The following IMMT variants were observed in gnomAD, a reference collection of about 807,000 sequenced individuals.
The protein encoded by IMMT is inner membrane mitochondrial protein.
A neutral mutation model predicts 92.7 loss-of-function variants in IMMT; 40 were observed. The observed-to-expected ratio is 0.43, with a 90% CI of 0.34 to 0.56. IMMT has a LOEUF of 0.56. Ranked by LOEUF, IMMT falls within the 20% of genes least tolerant of loss-of-function variation. The probability of loss-of-function intolerance (pLI) is 0.03; values close to 1 mark genes in which losing one functional copy is unlikely to be tolerated. For synonymous variants in IMMT, 322 were observed against 336.1 expected (o/e 0.96, Z 0.46); for missense variants, 831 against 912.1 (o/e 0.91, Z 1.14).
Position 86,144,636 on chromosome 2 carries a change from C to G in IMMT, c.1909G>C (p.Ala637Pro), listed in dbSNP as rs1674855086. 18 of 1,613,850 alleles carry G rather than the reference C, an allele frequency of 1.1e-5. No homozygotes were observed. The highest frequency in any genetic ancestry group is 1.4e-5 in the Non-Finnish European group (17 of 1,179,894). Residue 637 changes from alanine to proline, a missense_variant, in exon 15 of 15, where the codon GCT becomes CCT. Transcript: ENST00000410111. Reference sequence around the variant, plus strand: ...ACCCTTCGGGCCAGTTTTTGAACAGCATAGAAACGGGCTCTAAGGGTCTCT... The same window carrying G: ...ACCCTTCGGGCCAGTTTTTGAACAGGATAGAAACGGGCTCTAAGGGTCTCT... The part of the protein sequence containing the change: ...SEETLRARFY[A>P]VQKLARRVAM...
Position 86,144,648 on chromosome 2 carries a change from C to A in IMMT, c.1897G>T (p.Ala633Ser), listed in dbSNP as rs766667070. ...RGVYSEETLR[A>S]RFYAVQKLAR... is the part of the protein sequence containing the mutation. Reference sequence around the variant, plus strand: ...AGTTTTTGAACAGCATAGAAACGGGCTCTAAGGGTCTCTTCACTGTACACC... The same window carrying A: ...AGTTTTTGAACAGCATAGAAACGGGATCTAAGGGTCTCTTCACTGTACACC... The change falls in exon 15 of 15, where the codon GCC becomes TCC. Residue 633 changes from alanine (A) to serine (S), a missense_variant. Transcript: ENST00000410111. The A allele has an allele frequency of 6.8e-6, 11 of 1,613,822 alleles. No homozygotes were observed. The East Asian group carries it at 1.1e-4, about 16-fold the overall frequency.
intron 10 of IMMT, among the ~76,000 whole-genome samples, chr2:86,157,244 T>C (rs1028179655): frequency 6.6e-6 from 1 of 152,238 alleles, no homozygotes; most frequent in African/African-American, 2.4e-5. Context: ...CTAACTGATA[T>C]CTGCCTCCTG....
chr2:86,150,684 G>A (rs1388249090), intron 12 of IMMT, among the ~76,000 whole-genome samples: 4 of 152,128 alleles, frequency 2.6e-5, no homozygotes, highest in Non-Finnish European at 5.9e-5. Flanking sequence ...ACAAAGATTC[G>A]TTCAGCACTG....
chr2:86,170,050 T>A (rs1382892983), intron 6 of IMMT, among the ~76,000 whole-genome samples: 1 of 152,224 alleles, frequency 6.6e-6, no homozygotes, highest in Non-Finnish European at 1.5e-5. Context: ...TAAGCCATTC[T>A]GACTCCAACA....
At chr2:86,151,099 A>G (rs1360857819) in intron 12 of IMMT, among the ~76,000 whole-genome samples, 198 bp downstream of exon 12, 1 of 151,878 alleles carries the variant, frequency 6.6e-6, no homozygotes, top group Non-Finnish European at 1.5e-5. Flanking sequence ...GTATTTTTAG[A>G]AGAGACGGGG....
At chr2:86,161,284 C>T (rs1430397013) in intron 8 of IMMT, among the ~76,000 whole-genome samples, 3 of 151,934 alleles carry the variant, frequency 2.0e-5, no homozygotes, top group African/African-American at 7.3e-5. Flanking sequence ...ACCTCAGCCT[C>T]CCGAGTCGCT....
chr2:86,144,193 C>A lies in IMMT; in HGVS notation c.*75G>T. On this transcript the variant is annotated 3_prime_UTR_variant, in exon 15 of 15. Transcript: ENST00000410111. Reference sequence around the variant, plus strand: ...CATTTCTAGACAAGTCCGGGACTCTCGCTGCGAACCCTTCATCTATCACTG... The same window carrying A: ...CATTTCTAGACAAGTCCGGGACTCTAGCTGCGAACCCTTCATCTATCACTG... 1 of 1,526,892 alleles carries A rather than the reference C, an allele frequency of 6.5e-7. No individual in the cohort carries two copies. The highest frequency in any genetic ancestry group is 1.2e-5 in the South Asian group (1 of 81,244). 94.6% of individuals were successfully genotyped at this position (1,526,892 alleles called of 1,614,324 possible). A position where few individuals can be genotyped will look rare whatever the true frequency, so the allele number is the denominator to read the frequency against.
At chr2:86,179,275 A>G (rs781756252) in intron 3 of IMMT, among the ~76,000 whole-genome samples, 158 bp downstream of exon 3, 1 of 152,224 alleles carries the variant, frequency 6.6e-6, no homozygotes, top group Admixed American at 6.5e-5. Flanking sequence ...GTAACATTTT[A>G]TATCTGAGAC....
In IMMT at chr2:86,144,909, C is replaced by T. The variant is rs1372974814; in HGVS notation, c.1664-28G>A. ...ACAAAGAAAAAAAGGCAAAGCCAAA[C>T]ATTTTTCTCTCCATCTGACAACATA... On this transcript the variant is annotated intron_variant, in intron 14 of 14. Coordinates refer to ENST00000410111, the MANE Select transcript of IMMT (RefSeq NM_006839.3). 9.6e-6 allele frequency: 15 copies of T among 1,556,878 alleles called. No individual in the cohort carries two copies. In the African/African-American group the frequency reaches 1.6e-4, roughly 17 times the overall value.
At chr2:86,153,995 T>C (rs1435067622) in intron 10 of IMMT, among the ~76,000 whole-genome samples, 1 of 152,024 alleles carries the variant, frequency 6.6e-6, no homozygotes, top group Admixed American at 6.6e-5. Context: ...CCCAAGTAAC[T>C]TGGACTAGAG....
rs70953998 is a variant in IMMT, at chr2:86,163,959, C to CAAAAAAAAAA, written c.793-1881_793-1880insTTTTTTTTTT. On this transcript the variant is annotated intron_variant, in intron 7 of 14. Transcript: ENST00000410111. ...GGGCAACAAAGCAAGACTCCATCTC[C>CAAAAAAAAAA]AAAAAAAAAGAATGTTCTATGTAAA... Among the ~76,000 whole-genome samples the CAAAAAAAAAA allele has an allele frequency of 7.6e-5, 7 of 91,934 alleles. 1 individual carries two copies. The highest frequency in any genetic ancestry group is 1.4e-4 in the Non-Finnish European group (6 of 43,564). The allele number at this position is 91,934 out of a possible 152,430, so 60.3% of individuals were successfully genotyped here. A position where few individuals can be genotyped will look rare whatever the true frequency, so the allele number is the denominator to read the frequency against.
intron 12 of IMMT, among the ~76,000 whole-genome samples, chr2:86,148,481 G>A (rs1407137623): frequency 2.0e-5 from 3 of 151,884 alleles, no homozygotes; most frequent in Non-Finnish European, 2.9e-5. Flanking sequence ...GTGTGGTGGC[G>A]GGTGCCTGTA....
At chr2:86,194,294 A>G (rs1181379884) in intron 1 of IMMT, among the ~76,000 whole-genome samples, 2 of 152,190 alleles carry the variant, frequency 1.3e-5, no homozygotes. Context: ...CTTCTATCCT[A>G]CAGAACCCGT....
intron 13 of IMMT, among the ~76,000 whole-genome samples, chr2:86,146,652 C>T (rs1361685934): frequency 6.6e-6 from 1 of 151,888 alleles, no homozygotes; most frequent in East Asian, 1.9e-4. Flanking sequence ...CGTGAGCCAC[C>T]GTGCCCGGCC....
chr2:86,170,860 A>C lies in IMMT; in HGVS notation c.560-16T>G, dbSNP rs762273719. ...GATGCTTCTTCTTGCAGCAAAAGTA[A>C]ATAAGAGGAAATCAAATTTCAGCAT... On this transcript the variant is annotated splice_polypyrimidine_tract_variant and intron_variant, in intron 5 of 14. Transcript: ENST00000410111. 3.1e-5 allele frequency: 48 copies of C among 1,532,384 alleles called. 1 individual carries two copies. Among genetic ancestry groups the C allele is most frequent in the Non-Finnish European group, 4.1e-5 (46 of 1,127,358 alleles). The allele number at this position is 1,532,384 out of a possible 1,614,324, so 94.9% of individuals were successfully genotyped here. A position where few individuals can be genotyped will look rare whatever the true frequency, so the allele number is the denominator to read the frequency against.
intron 3 of IMMT, among the ~76,000 whole-genome samples, chr2:86,174,102 C>A (rs187771437): frequency 5.3e-5 from 8 of 152,308 alleles, no homozygotes; most frequent in Admixed American, 1.3e-4. Context: ...CTTTCTAAAT[C>A]AAACTATGAT....
intron 5 of IMMT, 108 bp downstream of exon 5, chr2:86,171,100 C>A (rs1677051625): frequency 3.0e-6 from 3 of 1,014,484 alleles, no homozygotes; most frequent in Non-Finnish European, 4.3e-6. Flanking sequence ...ACTCTGAAGA[C>A]CTAAACCTAG....
intron 2 of IMMT, among the ~76,000 whole-genome samples, chr2:86,179,833 T>C (rs893680259): frequency 6.6e-6 from 1 of 152,178 alleles, no homozygotes; most frequent in African/African-American, 2.4e-5. Flanking sequence ...TTATTCATTT[T>C]AGGAGGCCTA....
intron 12 of IMMT, among the ~76,000 whole-genome samples, chr2:86,148,804 C>T (rs991964993): frequency 2.0e-5 from 3 of 152,128 alleles, no homozygotes; most frequent in Admixed American, 1.3e-4. Context: ...ACACTGATTA[C>T]CTGAAATCCA....
Sources: gnomAD v4.1 joint callset for allele counts (sites outside exome capture counted in the v4.1 genomes callset) on GRCh38, gnomAD v4.1.1 for gene constraint, MANE v1.5 for transcripts, NCBI Gene and HGNC (gene_info 2026-07-23, HGNC 2026-07-21) for gene names.